CACNA1C: variants seen among roughly 807,000 people sequenced by gnomAD.
The protein encoded by CACNA1C is calcium voltage-gated channel subunit alpha1 C.
A neutral mutation model predicts 229.0 loss-of-function variants in CACNA1C; 30 were observed. The ratio of observed to expected loss-of-function variants is 0.13; its 90% CI spans 0.10 to 0.18. The LOEUF (loss-of-function observed/expected upper bound fraction) is 0.18. Among genes scored for constraint, CACNA1C ranks in the 10% least tolerant of loss-of-function variants. CACNA1C has a pLI of 1.00. For synonymous variants in CACNA1C, 1,114 were observed against 1,132.5 expected, an observed-to-expected ratio of 0.98 and a Z score of 0.33; for missense variants, 1,658 against 2,845.0, an observed-to-expected ratio of 0.58 and a Z score of 9.49.
At chr12:2,320,827 C>T (rs555738578) in intron 3 of CACNA1C, among the ~76,000 whole-genome samples, 2 of 152,294 alleles carry the variant, frequency 1.3e-5, no homozygotes, top group East Asian at 3.9e-4. Context: ...GGGGTAGGAG[C>T]AGGAGACAAA....
chr12:2,027,142 T>C (rs1031587726), intron 1 of CACNA1C, among the ~76,000 whole-genome samples: 5 of 152,164 alleles, frequency 3.3e-5, no homozygotes, highest in Non-Finnish European at 7.3e-5. Context: ...AAAAGGAAAA[T>C]GTTTCCTGGT....
rs1297544197 is a variant in CACNA1C at position 2,596,154 on chromosome 12, T to C, written c.2793+151T>C. 9.3e-6 allele frequency: 7 copies of C among 755,308 alleles called. No individual in the cohort carries two copies. The East Asian group carries it at 1.8e-4, about 19-fold the overall frequency. The allele number at this position is 755,308 out of a possible 1,614,324, so 46.8% of individuals were successfully genotyped here. ...AACATTTCATTAAGAGAGTAGGGCTTTGATAGAAAACCACCCTAGGACCAC... is the reference window on the plus strand; with the variant it reads ...AACATTTCATTAAGAGAGTAGGGCTCTGATAGAAAACCACCCTAGGACCAC... On this transcript the variant is annotated intron_variant, in intron 20 of 46. Coordinates refer to ENST00000399655, the MANE Select transcript of CACNA1C (RefSeq NM_000719.7).
At chr12:2,644,276 G>A (rs894692524) in intron 30 of CACNA1C, among the ~76,000 whole-genome samples, 2 of 152,136 alleles carry the variant, frequency 1.3e-5, no homozygotes, top group African/African-American at 4.8e-5. Flanking sequence ...GAGATCAGAG[G>A]TAATCTGCAC....
At chr12:2,414,072 AAGTC>A (rs2098838240) in intron 3 of CACNA1C, among the ~76,000 whole-genome samples, 1 of 66,780 alleles carries the variant, frequency 1.5e-5, no homozygotes, top group Admixed American at 2.3e-4. Context: ...AGACTGGCCC[AAGTC>A]CTATCCCGTC....
chr12:2,051,118 C>T (rs1046259451), upstream of CACNA1C, among the ~76,000 whole-genome samples: 1 of 152,116 alleles, frequency 6.6e-6, no homozygotes, highest in Non-Finnish European at 1.5e-5. Context: ...CTGTGGGGGT[C>T]TGTCAGTACT....
chr12:2,291,706 A>G (rs976911456), intron 3 of CACNA1C, among the ~76,000 whole-genome samples: 1 of 152,200 alleles, frequency 6.6e-6, no homozygotes, highest in Non-Finnish European at 1.5e-5. Flanking sequence ...TAGAGCATCC[A>G]GGCTGCTTTT....
chr12:2,253,542 A>G (rs2076353281), intron 3 of CACNA1C, among the ~76,000 whole-genome samples: 1 of 152,252 alleles, frequency 6.6e-6, no homozygotes, highest in Non-Finnish European at 1.5e-5. Context: ...TTTGCAAGTC[A>G]TTGGAACCTA....
At chr12:1,985,423 T>G (rs1299675075) in intron 1 of CACNA1C, among the ~76,000 whole-genome samples, 1 of 152,190 alleles carries the variant, frequency 6.6e-6, no homozygotes, top group African/African-American at 2.4e-5. Flanking sequence ...AATAGTATAT[T>G]ATTCAGTTCC....
intron 1 of CACNA1C, chr12:2,004,148 C>G (rs1304050665): frequency 7.5e-7 from 1 of 1,333,714 alleles, no homozygotes. Context: ...CAACTTCGGC[C>G]TCAGTCCCCA....
intron 38 of CACNA1C, among the ~76,000 whole-genome samples, chr12:2,669,917 A>G (rs1156787767): frequency 1.3e-5 from 2 of 152,178 alleles, no homozygotes; most frequent in African/African-American, 4.8e-5. Context: ...TTTATGATGG[A>G]TAAGAGTTTG....
chr12:2,046,101 G>A lies in CACNA1C; in HGVS notation c.140-69123G>A, dbSNP rs1355399181. Among the ~76,000 whole-genome samples, 6 of 152,248 alleles carry A rather than the reference G, an allele frequency of 3.9e-5. 1 individual carries two copies. The highest frequency in any genetic ancestry group is 6.8e-3 in the Middle Eastern group (2 of 294). On this transcript the variant is annotated intron_variant, in intron 1 of 46. Coordinates refer to the CACNA1C transcript ENST00000682462. ...GCCACTGCAGGCAGCACACCCTGCTGGATTTTCAACTTCTGGCCTCAAAAC... is the reference window on the plus strand; with the variant it reads ...GCCACTGCAGGCAGCACACCCTGCTAGATTTTCAACTTCTGGCCTCAAAAC...
intron 3 of CACNA1C, among the ~76,000 whole-genome samples, chr12:2,167,245 T>C (rs1397439112): frequency 6.6e-6 from 1 of 152,188 alleles, no homozygotes; most frequent in African/African-American, 2.4e-5. Context: ...TGGGAGGAGT[T>C]GATTCCTAAG....
intron 9 of CACNA1C, among the ~76,000 whole-genome samples, chr12:2,541,586 G>T (rs2099870493): frequency 6.6e-6 from 1 of 152,152 alleles, no homozygotes; most frequent in South Asian, 2.1e-4. Flanking sequence ...GATACCCCCA[G>T]CCACTGCCTG....
At chr12:2,563,457 GT>G (rs972462570) in intron 11 of CACNA1C, among the ~76,000 whole-genome samples, 114 of 152,336 alleles carry the variant, frequency 7.5e-4, no homozygotes, top group African/African-American at 2.7e-3. Context: ...AGTGTCGCAT[GT>G]TAAGGTGTGG....
intron 43 of CACNA1C, among the ~76,000 whole-genome samples, chr12:2,683,045 T>G (rs1020135712): frequency 6.6e-6 from 1 of 152,036 alleles, no homozygotes; most frequent in Non-Finnish European, 1.5e-5. Context: ...CATACATATA[T>G]AGATAATTAA....
At chr12:2,021,616 G>T (rs933002335) in intron 1 of CACNA1C, among the ~76,000 whole-genome samples, 1 of 151,742 alleles carries the variant, frequency 6.6e-6, no homozygotes, top group African/African-American at 2.4e-5. Flanking sequence ...GGAGGTGGAG[G>T]TTGCAGTGAG....
rs563057590 is a variant in CACNA1C at position 2,467,514 on chromosome 12, G to A, written c.757+9808G>A. Among the ~76,000 whole-genome samples, 3 of 152,222 alleles carry A rather than the reference G, an allele frequency of 2.0e-5. No individual in the cohort carries two copies. The highest frequency in any genetic ancestry group is 2.1e-4 in the South Asian group (1 of 4,828). ...GAGGAAGCCCCAGGACCCGCTCCCC[G>A]CCTTCCCACCCAGGCAGCCTGGGGT... On this transcript the variant is annotated intron_variant, in intron 5 of 46. Transcript: ENST00000399655. The surrounding 1 kb of genome is among the most constrained non-coding windows in gnomAD (Gnocchi z 4.6).
At chr12:2,043,066 C>T (rs1399651270) in intron 1 of CACNA1C, among the ~76,000 whole-genome samples, 1 of 152,190 alleles carries the variant, frequency 6.6e-6, no homozygotes, top group Non-Finnish European at 1.5e-5. Flanking sequence ...ACAAATAGAA[C>T]TATTATGTGC....
chr12:2,652,635 A>G (rs2095120000), intron 32 of CACNA1C, among the ~76,000 whole-genome samples: 1 of 152,184 alleles, frequency 6.6e-6, no homozygotes, highest in Non-Finnish European at 1.5e-5. Flanking sequence ...GGCCTGGTCC[A>G]GGTGAGGAAA....
Sources: gnomAD v4.1 joint callset for allele counts (sites outside exome capture counted in the v4.1 genomes callset) on GRCh38, gnomAD v4.1.1 for gene constraint, Gnocchi (gnomAD v3.1) non-coding constraint, MANE v1.5 for transcripts, NCBI Gene and HGNC (gene_info 2026-07-23, HGNC 2026-07-21) for gene names.